Variants in GPATCH2 observed in about 807,000 individuals in gnomAD.
GPATCH2 encodes G patch domain-containing protein 2.
A neutral mutation model predicts 58.0 loss-of-function variants in GPATCH2; 51 were observed. That is an observed-to-expected ratio of 0.88 (90% CI 0.70 to 1.11). GPATCH2 has a LOEUF of 1.11. Ranked by LOEUF, GPATCH2 falls within the 50% of genes most tolerant of loss-of-function variation. GPATCH2 has a pLI of 0.00. For synonymous variants in GPATCH2, 222 were observed against 218.5 expected (o/e 1.02, Z -0.14); for missense variants, 625 against 652.2 (o/e 0.96, Z 0.45).
At position 217,427,184 on chromosome 1, in the gene GPATCH2, CGT is replaced by C. The variant is rs1658372838; in HGVS notation, c.*3959_*3960del. On this transcript the variant is annotated 3_prime_UTR_variant, in exon 10 of 10. Transcript: ENST00000366935. ...TGATACTTTAAGTGGTCAGAGAGAG[CGT>C]GTGTACCTTGTTACATTAGAATCAC... The C allele has an allele frequency of 6.6e-6, 1 of 152,022 alleles. No homozygotes were observed. 9.4% of individuals were successfully genotyped at this position (152,022 alleles called of 1,614,324 possible).
At chr1:217,557,261 G>T (rs1256178120) in intron 5 of GPATCH2, among the ~76,000 whole-genome samples, 1 of 151,922 alleles carries the variant, frequency 6.6e-6, no homozygotes, top group Non-Finnish European at 1.5e-5. Context: ...ACAAAAATTG[G>T]CTGGGCGTGG....
At chr1:217,558,132 A>G (rs899744051) in intron 5 of GPATCH2, among the ~76,000 whole-genome samples, 7 of 152,178 alleles carry the variant, frequency 4.6e-5, no homozygotes, top group Non-Finnish European at 8.8e-5. Context: ...CACATGCACA[A>G]AAAAATAATT....
chr1:217,485,528 T>G (rs1486386041), intron 8 of GPATCH2, among the ~76,000 whole-genome samples: 4 of 151,906 alleles, frequency 2.6e-5, no homozygotes, highest in Non-Finnish European at 5.9e-5. Flanking sequence ...ACTGTCAAAC[T>G]TTCTCCACTG....
chr1:217,541,181 A>G (rs1006165849), intron 5 of GPATCH2, among the ~76,000 whole-genome samples: 3 of 152,228 alleles, frequency 2.0e-5, no homozygotes, highest in Non-Finnish European at 2.9e-5. Context: ...TACAGCTTCT[A>G]TCATCCTAAG....
chr1:217,453,950 C>A (rs1156749970), intron 8 of GPATCH2, among the ~76,000 whole-genome samples: 4 of 152,136 alleles, frequency 2.6e-5, no homozygotes, highest in Admixed American at 6.5e-5. Context: ...TGACTATGGG[C>A]CCTGGCATTT....
intron 5 of GPATCH2, among the ~76,000 whole-genome samples, chr1:217,534,689 C>G (rs1222664355): frequency 1.3e-5 from 2 of 152,184 alleles, no homozygotes; most frequent in Admixed American, 6.5e-5. Context: ...CTCTTTAAAG[C>G]TGGATCCTTT....
At chr1:217,467,759 T>C (rs1254368729) in intron 8 of GPATCH2, among the ~76,000 whole-genome samples, 2 of 151,876 alleles carry the variant, frequency 1.3e-5, no homozygotes, top group Admixed American at 1.3e-4. Context: ...ATTCCTAACA[T>C]CCAGACTGTG....
chr1:217,505,294 C>T (rs1012914476), intron 6 of GPATCH2, among the ~76,000 whole-genome samples: 7 of 152,146 alleles, frequency 4.6e-5, no homozygotes, highest in Admixed American at 3.9e-4. Flanking sequence ...TAGTTATCAC[C>T]TATTGAGCCC....
intron 9 of GPATCH2, among the ~76,000 whole-genome samples, chr1:217,431,942 A>G (rs535123986): frequency 6.6e-6 from 1 of 152,310 alleles, no homozygotes; most frequent in East Asian, 1.9e-4. Flanking sequence ...TTCAGTCTGT[A>G]ACATATGCCT....
intron 5 of GPATCH2, among the ~76,000 whole-genome samples, chr1:217,594,026 T>C (rs190849581): frequency 2.6e-5 from 4 of 152,230 alleles, no homozygotes; most frequent in Admixed American, 2.6e-4. Context: ...TTAATATCTA[T>C]CTAAACAAGA....
At chr1:217,565,707 T>C (rs1666190191) in intron 5 of GPATCH2, among the ~76,000 whole-genome samples, 2 of 152,160 alleles carry the variant, frequency 1.3e-5, no homozygotes, top group Admixed American at 6.5e-5. Context: ...CCAAGTGTTC[T>C]AAGGAATATA....
chr1:217,568,522 G>GT (rs1666376998), intron 5 of GPATCH2, among the ~76,000 whole-genome samples: 1 of 152,148 alleles, frequency 6.6e-6, no homozygotes, highest in Non-Finnish European at 1.5e-5. Flanking sequence ...GGGCAAGGGG[G>GT]TTACAGTTTT....
chr1:217,437,324 G>A (rs1420599573), intron 9 of GPATCH2, among the ~76,000 whole-genome samples: 1 of 152,184 alleles, frequency 6.6e-6, no homozygotes, highest in Non-Finnish European at 1.5e-5. Context: ...CAGACACCAA[G>A]CTAGCTGCAG....
intron 8 of GPATCH2, among the ~76,000 whole-genome samples, chr1:217,470,386 T>TA (rs1176465393): frequency 6.6e-6 from 1 of 152,212 alleles, no homozygotes; most frequent in South Asian, 2.1e-4. Context: ...ACGTAAGTAA[T>TA]AAGAGTTTCA....
intron 8 of GPATCH2, among the ~76,000 whole-genome samples, chr1:217,483,978 C>T (rs1466260874): frequency 6.6e-6 from 1 of 152,032 alleles, no homozygotes; most frequent in East Asian, 1.9e-4. Context: ...TTCATAAATT[C>T]CAATTTATCA....
chr1:217,619,733 C>T (rs770771326), intron 2 of GPATCH2, 50 bp downstream of exon 2: 8 of 686,826 alleles, frequency 1.2e-5, no homozygotes, highest in Non-Finnish European at 1.6e-5. Flanking sequence ...AACATTCAAC[C>T]ACAAACACTG....
intron 3 of GPATCH2, among the ~76,000 whole-genome samples, chr1:217,612,990 C>T (rs1668703873): frequency 6.6e-6 from 1 of 152,048 alleles, no homozygotes; most frequent in Admixed American, 6.6e-5. Context: ...CCTTTCCATA[C>T]TTATCAAAGA....
chr1:217,602,351 AC>A (rs1421495265), intron 5 of GPATCH2, among the ~76,000 whole-genome samples: 2 of 152,074 alleles, frequency 1.3e-5, no homozygotes, highest in Admixed American at 1.3e-4. Flanking sequence ...TTAATCCTTG[AC>A]CATGCCTTTC....
chr1:217,494,078 G>T (rs1350434900), intron 7 of GPATCH2, among the ~76,000 whole-genome samples: 1 of 152,154 alleles, frequency 6.6e-6, no homozygotes, highest in African/African-American at 2.4e-5. Context: ...CAATCTGGAT[G>T]AATTTAAATG....
Sources: allele counts gnomAD v4.1 joint callset (sites outside exome capture counted in the v4.1 genomes callset), GRCh38; gene constraint gnomAD v4.1.1; transcripts MANE v1.5; gene names NCBI Gene and HGNC (gene_info 2026-07-23, HGNC 2026-07-21).